HACE1: variants seen among roughly 807,000 people sequenced by gnomAD.
HACE1 encodes the protein E3 ubiquitin-protein ligase HACE1.
A neutral mutation model predicts 118.4 loss-of-function variants in HACE1; 73 were observed. The ratio of observed to expected loss-of-function variants is 0.62; its 90% confidence interval spans 0.51 to 0.75. The LOEUF is 0.75. HACE1 is among the 30% of genes least tolerant of loss of function. The pLI, the probability that HACE1 is intolerant of heterozygous loss-of-function variation, is 0.00. For missense variants in HACE1, 749 were observed against 1,102.2 expected (o/e 0.68, Z 4.54); for synonymous variants, 368 against 374.8 (o/e 0.98, Z 0.21).
intron 20 of HACE1, among the ~76,000 whole-genome samples, chr6:104,745,771 C>A (rs945192004): frequency 3.3e-5 from 5 of 152,036 alleles, no homozygotes. Flanking sequence ...TGTAGATGCC[C>A]TGTGATTCAA....
chr6:104,836,484 G>A (rs1343367762), intron 5 of HACE1, among the ~76,000 whole-genome samples: 8 of 151,976 alleles, frequency 5.3e-5, no homozygotes, highest in Admixed American at 1.3e-4. Context: ...AGGCCGAGGC[G>A]GGTGAATCAC....
In HACE1 at chr6:104,859,738, C is replaced by T; in HGVS notation, c.-96G>A. On this transcript the variant is annotated 5_prime_UTR_variant, in exon 1 of 24. Transcript: ENST00000262903. ...ATCTCGCCTGGGCCCGTCCAGCAGG[C>T]GGAGACGCGGGCTTGCCCCGGCTAG... 1.5e-5 allele frequency: 17 copies of T among 1,151,544 alleles called. No individual in the cohort carries two copies. The East Asian group carries it at 1.7e-4, about 12-fold the overall frequency. The allele number at this position is 1,151,544 out of a possible 1,614,324, so 71.3% of individuals were successfully genotyped here. A position where few individuals can be genotyped will look rare whatever the true frequency, so the allele number is the denominator to read the frequency against.
chr6:104,781,533 C>T (rs934425758), intron 14 of HACE1, among the ~76,000 whole-genome samples: 1 of 152,180 alleles, frequency 6.6e-6, no homozygotes, highest in African/African-American at 2.4e-5. Context: ...AACTCCAATT[C>T]AACACAAGGT....
At chr6:104,767,826 A>C (rs1056271679) in intron 19 of HACE1, among the ~76,000 whole-genome samples, 2 of 152,008 alleles carry the variant, frequency 1.3e-5, no homozygotes, top group Non-Finnish European at 2.9e-5. Flanking sequence ...CGACCACTTA[A>C]TGCTTCACCT....
chr6:104,851,374 A>C (rs1056164334), intron 2 of HACE1, among the ~76,000 whole-genome samples: 21 of 152,020 alleles, frequency 1.4e-4, no homozygotes, highest in Non-Finnish European at 3.1e-4. Flanking sequence ...GAGCCACCCC[A>C]CCCGGCCTAG....
intron 7 of HACE1, 103 bp downstream of exon 7, chr6:104,811,207 AT>A (rs60457659): frequency 0.022 from 5,156 of 230,214 alleles, 284 homozygotes; most frequent in African/African-American, 0.12. Context: ...GAAATAGAGT[AT>A]TATATACATC....
At chr6:104,799,580 G>A (rs1414028201) in intron 7 of HACE1, among the ~76,000 whole-genome samples, 1 of 152,068 alleles carries the variant, frequency 6.6e-6, no homozygotes, top group African/African-American at 2.4e-5. Context: ...GAAAACCATG[G>A]CTCAAGAGTA....
intron 1 of HACE1, among the ~76,000 whole-genome samples, chr6:104,859,124 A>T (rs1472840755): frequency 6.6e-6 from 1 of 152,224 alleles, no homozygotes; most frequent in Non-Finnish European, 1.5e-5. Context: ...CACATTTTAA[A>T]AAATAACAAA....
At chr6:104,836,950 C>T (rs972156699) in intron 5 of HACE1, among the ~76,000 whole-genome samples, 1 of 152,126 alleles carries the variant, frequency 6.6e-6, no homozygotes, top group Non-Finnish European at 1.5e-5. Context: ...AAAACATGCA[C>T]AAAATCCCCA....
In HACE1 at chr6:104,852,223, G is replaced by GTGTA; in HGVS notation, c.131+93_131+94insTACA. On this transcript the variant is annotated intron_variant, in intron 2 of 23. Coordinates refer to ENST00000262903, the MANE Select transcript of HACE1 (RefSeq NM_020771.4). ...TCTGTGTGTGTGTGTGTGTGTGTGT[G>GTGTA]TGTGTGCGCGCGTGCGCGTGCACGG... is the stretch of plus-strand genomic sequence containing the variant. 3 of 718,576 alleles carry GTGTA rather than the reference G, an allele frequency of 4.2e-6. No homozygotes were observed. The South Asian group carries it at 4.3e-5, about 10-fold the overall frequency. 44.5% of individuals were successfully genotyped at this position (718,576 alleles called of 1,614,324 possible).
At chr6:104,750,218 A>T (rs1281588771) in intron 20 of HACE1, 123 bp downstream of exon 20, 1 of 812,434 alleles carries the variant, frequency 1.2e-6, no homozygotes, top group Non-Finnish European at 2.0e-6. Context: ...ATGGACATTA[A>T]ACCATTTTGT....
chr6:104,766,517 T>C (rs552314131), intron 19 of HACE1, among the ~76,000 whole-genome samples: 11 of 152,190 alleles, frequency 7.2e-5, no homozygotes, highest in Non-Finnish European at 1.6e-4. Context: ...TGGATAAAAG[T>C]CTGTATTTTG....
intron 6 of HACE1, among the ~76,000 whole-genome samples, chr6:104,830,368 C>T (rs1773735465): frequency 6.6e-6 from 1 of 152,120 alleles, no homozygotes; most frequent in South Asian, 2.1e-4. Context: ...GAAAACACTG[C>T]ATTGGTTTTC....
intron 19 of HACE1, among the ~76,000 whole-genome samples, chr6:104,750,875 A>AAT (rs971316082): frequency 1.5e-4 from 23 of 152,258 alleles, no homozygotes; most frequent in African/African-American, 5.5e-4. Context: ...GTGATTTAAA[A>AAT]ATATATATAT....
chr6:104,776,485 T>G (rs1223501676), intron 17 of HACE1, among the ~76,000 whole-genome samples: 56 of 152,212 alleles, frequency 3.7e-4, no homozygotes, highest in Admixed American at 3.7e-3. Flanking sequence ...CCAACACTAG[T>G]CCTTGAGACA....
chr6:104,760,156 C>T (rs1380034505), intron 19 of HACE1, among the ~76,000 whole-genome samples: 4 of 152,150 alleles, frequency 2.6e-5, no homozygotes, highest in Non-Finnish European at 5.9e-5. Context: ...TGAAACTATT[C>T]CAATCAATAG....
intron 19 of HACE1, among the ~76,000 whole-genome samples, chr6:104,753,849 C>T (rs970725757): frequency 6.6e-6 from 1 of 152,174 alleles, no homozygotes; most frequent in Non-Finnish European, 1.5e-5. Context: ...TGCCTCTTCT[C>T]CTCCAAATGA....
intron 17 of HACE1, among the ~76,000 whole-genome samples, chr6:104,773,046 A>G (rs1780812891): frequency 6.6e-6 from 1 of 151,360 alleles, no homozygotes; most frequent in African/African-American, 2.4e-5. Flanking sequence ...AAAAGTCTCA[A>G]AAAAAAAATA....
chr6:104,748,484 A>T (rs572491817), intron 20 of HACE1, among the ~76,000 whole-genome samples: 17 of 152,314 alleles, frequency 1.1e-4, no homozygotes, highest in African/African-American at 4.1e-4. Flanking sequence ...TCCTAATGGG[A>T]GTGTAAACTG....
Sources: allele counts gnomAD v4.1 joint callset (sites outside exome capture counted in the v4.1 genomes callset), GRCh38; gene constraint gnomAD v4.1.1; transcripts MANE v1.5; gene names NCBI Gene and HGNC (gene_info 2026-07-23, HGNC 2026-07-21).